Variants in MIR2052HG observed in about 807,000 individuals in gnomAD.
MIR2052HG encodes MIR2052 host gene.
At chr8:74,673,272 C>G (rs747749752) in intron 2 of MIR2052HG, among the ~76,000 whole-genome samples, 44 of 151,978 alleles carry the variant, frequency 2.9e-4, no homozygotes, top group Non-Finnish European at 4.6e-4. Context: ...AACCCCAGTT[C>G]TCTTCTATAT....
chr8:74,663,169 A>G (rs1348834384), intron 2 of MIR2052HG, among the ~76,000 whole-genome samples: 2 of 152,216 alleles, frequency 1.3e-5, no homozygotes, highest in Non-Finnish European at 2.9e-5. Flanking sequence ...TGATGAATAC[A>G]TTCTTTGAAA....
chr8:74,685,230 T>G (rs778239369), intron 2 of MIR2052HG, among the ~76,000 whole-genome samples: 1 of 152,096 alleles, frequency 6.6e-6, no homozygotes, highest in Non-Finnish European at 1.5e-5. Context: ...ATTTCTTTCT[T>G]CTAATATGGC....
intron 2 of MIR2052HG, among the ~76,000 whole-genome samples, chr8:74,614,742 A>C (rs1272619772): frequency 2.0e-5 from 3 of 151,660 alleles, no homozygotes; most frequent in Non-Finnish European, 4.4e-5. Context: ...TTAATCTAGC[A>C]TATTTTAACA....
intron 4 of MIR2052HG, among the ~76,000 whole-genome samples, chr8:74,735,523 C>G (rs554786648): frequency 2.0e-5 from 3 of 152,336 alleles, no homozygotes; most frequent in Non-Finnish European, 4.4e-5. Context: ...GTATCACACA[C>G]TCTTTCTGTT....
At chr8:74,737,978 CTATGTATG>C (rs572233517) in intron 4 of MIR2052HG, among the ~76,000 whole-genome samples, 94 of 151,518 alleles carry the variant, frequency 6.2e-4, no homozygotes, top group East Asian at 5.6e-3. Flanking sequence ...TATCTATTAT[CTATGTATG>C]TATGTATGTA....
chr8:74,725,954 G>T (rs7845194), intron 4 of MIR2052HG, among the ~76,000 whole-genome samples: 1,601 of 152,212 alleles, frequency 0.011, 31 homozygotes, highest in African/African-American at 0.036. Flanking sequence ...TACACTTTGG[G>T]AGGCTGAGGC....
intron 2 of MIR2052HG, among the ~76,000 whole-genome samples, chr8:74,671,755 T>C (rs1208291939): frequency 6.6e-6 from 1 of 152,138 alleles, no homozygotes; most frequent in Non-Finnish European, 1.5e-5. Flanking sequence ...AAAGCTTTGG[T>C]ACTGCTCTGC....
At chr8:74,743,686 T>C (rs932228723) in intron 4 of MIR2052HG, among the ~76,000 whole-genome samples, 1 of 152,214 alleles carries the variant, frequency 6.6e-6, no homozygotes, top group African/African-American at 2.4e-5. Context: ...CTTGCTGATG[T>C]AGGCTCTACA....
chr8:74,618,894 C>T (rs571386280), intron 2 of MIR2052HG, among the ~76,000 whole-genome samples: 6 of 151,976 alleles, frequency 3.9e-5, no homozygotes, highest in Non-Finnish European at 8.8e-5. Context: ...TAAAAAAATC[C>T]CTAAAGACTT....
intron 4 of MIR2052HG, among the ~76,000 whole-genome samples, chr8:74,721,220 G>GT (rs1377074038): frequency 6.6e-6 from 1 of 152,130 alleles, no homozygotes; most frequent in African/African-American, 2.4e-5. Context: ...GAAGGGAAAG[G>GT]TAGCCCCAGA....
intron 5 of MIR2052HG, among the ~76,000 whole-genome samples, chr8:74,753,451 T>G (rs1324220614): frequency 6.6e-6 from 1 of 152,204 alleles, no homozygotes; most frequent in Non-Finnish European, 1.5e-5. Flanking sequence ...GATTCTCCAA[T>G]TCCATACTAA....
chr8:74,603,388 C>T (rs1808054647), intron 1 of MIR2052HG: 16 of 1,611,002 alleles, frequency 9.9e-6, no homozygotes, highest in Non-Finnish European at 1.3e-5. Flanking sequence ...GGTAACCTGC[C>T]TATCAGTAGA....
intron 4 of MIR2052HG, among the ~76,000 whole-genome samples, chr8:74,718,141 G>T (rs1809539151): frequency 6.6e-6 from 1 of 152,116 alleles, no homozygotes; most frequent in Non-Finnish European, 1.5e-5. Flanking sequence ...AATTGTTGGG[G>T]CAATGGAGAC....
chr8:74,639,512 G>A (rs1234414043), intron 2 of MIR2052HG, among the ~76,000 whole-genome samples: 1 of 152,084 alleles, frequency 6.6e-6, no homozygotes, highest in East Asian at 1.9e-4. Context: ...TGGTCACATA[G>A]AGTTATTATT....
intron 2 of MIR2052HG, among the ~76,000 whole-genome samples, chr8:74,636,760 C>T (rs1808586118): frequency 6.6e-6 from 1 of 152,076 alleles, no homozygotes; most frequent in Non-Finnish European, 1.5e-5. Context: ...TTTTCATGCC[C>T]TTTCCATCCA....
At chr8:74,722,117 C>T (rs910603593) in intron 4 of MIR2052HG, among the ~76,000 whole-genome samples, 3 of 152,082 alleles carry the variant, frequency 2.0e-5, no homozygotes, top group Non-Finnish European at 4.4e-5. Context: ...GTTGAGGCTG[C>T]AGTGAGCCAT....
chr8:74,701,853 G>A (rs1809361386), intron 2 of MIR2052HG, among the ~76,000 whole-genome samples: 1 of 152,084 alleles, frequency 6.6e-6, no homozygotes, highest in South Asian at 2.1e-4. Flanking sequence ...TGGAATTGCA[G>A]GCAGTGAAAA....
At chr8:74,613,407 CTG>C (rs1371216726) in intron 2 of MIR2052HG, among the ~76,000 whole-genome samples, 1 of 152,158 alleles carries the variant, frequency 6.6e-6, no homozygotes, top group Non-Finnish European at 1.5e-5. Flanking sequence ...GTGACAATGA[CTG>C]TGTTTCTTTC....
intron 2 of MIR2052HG, among the ~76,000 whole-genome samples, chr8:74,673,989 A>T (rs1001764801): frequency 6.7e-6 from 1 of 149,858 alleles, no homozygotes; most frequent in Admixed American, 6.7e-5. Flanking sequence ...TGCCCAGAGA[A>T]GCCTTTTTTT....
Sources: gnomAD v4.1 joint callset for allele counts (sites outside exome capture counted in the v4.1 genomes callset) on GRCh38, gnomAD v4.1.1 for gene constraint, MANE v1.5 for transcripts, NCBI Gene and HGNC (gene_info 2026-07-23, HGNC 2026-07-21) for gene names.